The following HIPK2 variants were observed in gnomAD, a reference collection of about 807,000 sequenced individuals.
HIPK2 encodes the protein homeodomain interacting protein kinase 2.
Under a neutral mutation model 113.7 loss-of-function variants are expected in HIPK2, and 27 were observed. That is an observed-to-expected ratio of 0.24 (90% CI 0.17 to 0.33). The LOEUF is 0.33. Ranked by LOEUF, HIPK2 falls within the 10% of genes least tolerant of loss-of-function variation. The pLI, the probability that HIPK2 is intolerant of heterozygous loss-of-function variation, is 1.00. For synonymous variants in HIPK2, 631 were observed against 642.2 expected (o/e 0.98, Z 0.26); for missense variants, 1,257 against 1,588.0 (o/e 0.79, Z 3.54).
chr7:139,626,418 A>T (rs1291865712), intron 6 of HIPK2, among the ~76,000 whole-genome samples, 183 bp downstream of exon 6: 1 of 152,068 alleles, frequency 6.6e-6, no homozygotes, highest in African/African-American at 2.4e-5. Context: ...CACTTTCATA[A>T]ATGTTTCATT....
At chr7:139,673,242 A>C (rs1585361628) in intron 2 of HIPK2, among the ~76,000 whole-genome samples, 1 of 152,300 alleles carries the variant, frequency 6.6e-6, no homozygotes, top group East Asian at 1.9e-4. Context: ...TGCAGAAGAC[A>C]GAAAGATGAT....
intron 2 of HIPK2, among the ~76,000 whole-genome samples, chr7:139,699,391 A>G (rs912822277): frequency 9.2e-5 from 14 of 152,266 alleles, no homozygotes; most frequent in African/African-American, 3.4e-4. Flanking sequence ...GCTAGATGGA[A>G]AGGAGGATAA....
chr7:139,588,344 A>C (rs1040798964), intron 12 of HIPK2, among the ~76,000 whole-genome samples: 13 of 151,300 alleles, frequency 8.6e-5, no homozygotes, highest in African/African-American at 2.7e-4. Flanking sequence ...CCTGCTGAAA[A>C]AAAAAAACAA....
At chr7:139,743,410 C>A (rs1020370777) in intron 1 of HIPK2, among the ~76,000 whole-genome samples, 2 of 152,234 alleles carry the variant, frequency 1.3e-5, no homozygotes, top group Non-Finnish European at 2.9e-5. Flanking sequence ...ATACAACTTA[C>A]AACTGCCAGA....
intron 2 of HIPK2, among the ~76,000 whole-genome samples, chr7:139,640,004 A>T (rs1400644359): frequency 6.6e-6 from 1 of 152,058 alleles, no homozygotes; most frequent in Admixed American, 6.6e-5. Context: ...ACTGTGAGTG[A>T]GCATTTCCAG....
At chr7:139,656,471 T>A (rs760469049) in intron 2 of HIPK2, among the ~76,000 whole-genome samples, 7 of 152,250 alleles carry the variant, frequency 4.6e-5, no homozygotes, top group Non-Finnish European at 1.0e-4. Context: ...TTCTTTATTC[T>A]CAATGCCACT....
chr7:139,573,247 C>T lies in HIPK2; in HGVS notation c.3277G>A (p.Ala1093Thr), dbSNP rs754614157. Residue 1093 changes from alanine (A) to threonine (T), a missense_variant, in exon 15 of 15, where the codon GCT becomes ACT. By Grantham distance (58) the Ala-to-Thr change is moderately conservative. Around this residue, in one of 5 missense-constraint regions of HIPK2, gnomAD observed 862 missense variants for 1,004.3 expected, o/e 0.86. Coordinates refer to ENST00000406875, the MANE Select transcript of HIPK2 (RefSeq NM_022740.5). ...TGGGGCTGGGTGGGGAGGTGGGCAG[C>T]GGCAGCGGCTGCAGCCAGATGCGGG... The part of the protein sequence containing the change: ...VHPHLAAAAA[A>T]AHLPTQPHLY... 3 of 1,603,750 alleles carry T rather than the reference C, an allele frequency of 1.9e-6. No individual in the cohort carries two copies. The highest frequency in any genetic ancestry group is 1.7e-5 in the Admixed American group (1 of 59,958).
chr7:139,578,538 C>T (rs1231343875), intron 13 of HIPK2, among the ~76,000 whole-genome samples: 2 of 152,240 alleles, frequency 1.3e-5, no homozygotes, highest in African/African-American at 4.8e-5. Context: ...AATGAGTAAC[C>T]TCCTTTCCGC....
chr7:139,665,063 G>C (rs1251361939), intron 2 of HIPK2, among the ~76,000 whole-genome samples: 1 of 149,434 alleles, frequency 6.7e-6, no homozygotes, highest in Non-Finnish European at 1.5e-5. Flanking sequence ...TTTTAGACAG[G>C]GTCTTGCTCT....
intron 7 of HIPK2, among the ~76,000 whole-genome samples, chr7:139,617,736 G>C (rs1221807098): frequency 6.6e-6 from 1 of 152,198 alleles, no homozygotes; most frequent in Non-Finnish European, 1.5e-5. Context: ...GATCATTTGG[G>C]AAATGGTTCT....
chr7:139,617,262 T>C (rs1800087717), intron 7 of HIPK2, among the ~76,000 whole-genome samples: 1 of 152,212 alleles, frequency 6.6e-6, no homozygotes, highest in East Asian at 1.9e-4. Context: ...GACTGGGGTC[T>C]TGCTATGTTG....
chr7:139,691,530 C>T (rs777375977), intron 2 of HIPK2, among the ~76,000 whole-genome samples: 3 of 152,264 alleles, frequency 2.0e-5, no homozygotes, highest in Non-Finnish European at 1.5e-5. Context: ...TGACCTGGCA[C>T]TGCTGCATGG....
At position 139,575,131 on chromosome 7, in the gene HIPK2, G is replaced by T; in HGVS notation, c.3123C>A (p.Ser1041Arg). The change falls in exon 14 of 15, where the codon AGC (serine) becomes AGA (arginine). Residue 1041 changes from serine (S) to arginine (R), a missense_variant. Around this residue, in one of 5 missense-constraint regions of HIPK2, gnomAD observed 862 missense variants for 1,004.3 expected, o/e 0.86. Coordinates refer to ENST00000406875, the MANE Select transcript of HIPK2 (RefSeq NM_022740.5). Reference protein sequence around the residue: ...HFQQQQPLNLSQAQQHITTDR... With the variant: ...HFQQQQPLNLRQAQQHITTDR... ...GGGCGCCAGCTGTGGGGCTTACCTG[G>T]CTGAGATTGAGTGGCTGCTGCTGCT... 1.3e-6 allele frequency: 2 copies of T among 1,592,872 alleles called. No individual in the cohort carries two copies. Among genetic ancestry groups the T allele is most frequent in the Non-Finnish European group, 8.5e-7 (1 of 1,170,242 alleles).
chr7:139,592,133 A>AT (rs1447830186), intron 12 of HIPK2, among the ~76,000 whole-genome samples: 5 of 152,262 alleles, frequency 3.3e-5, no homozygotes. Flanking sequence ...TTCGGGTCAA[A>AT]TTTTTTTTAT....
rs1477739777 is a variant in HIPK2, at chr7:139,743,133, C to T, written c.20-26118G>A. On this transcript the variant is annotated intron_variant, in intron 1 of 14. Coordinates refer to ENST00000406875, the MANE Select transcript of HIPK2 (RefSeq NM_022740.5). ...CCCCAGCCAAAGAAAACCTAAGAGGCTTTGTTGGGGAGGAACAGGGGACCC... is the reference window on the plus strand; with the variant it reads ...CCCCAGCCAAAGAAAACCTAAGAGGTTTTGTTGGGGAGGAACAGGGGACCC... Among the ~76,000 whole-genome samples, 11 of 152,224 alleles carry T rather than the reference C, an allele frequency of 7.2e-5. No individual in the cohort carries two copies. In the East Asian group the frequency reaches 2.1e-3, roughly 29 times the overall value.
intron 2 of HIPK2, among the ~76,000 whole-genome samples, chr7:139,713,837 T>C (rs1320824516): frequency 1.3e-5 from 2 of 152,224 alleles, no homozygotes; most frequent in East Asian, 3.8e-4. Flanking sequence ...CCAATGGGGC[T>C]GGTACCCGGG....
intron 2 of HIPK2, among the ~76,000 whole-genome samples, chr7:139,641,798 T>A (rs1183409775): frequency 6.6e-6 from 1 of 152,208 alleles, no homozygotes; most frequent in Non-Finnish European, 1.5e-5. Flanking sequence ...ATTTACATAG[T>A]TCACTGACAA....
At chr7:139,600,762 G>C (rs1585259443) in intron 10 of HIPK2, 166 bp from the exon 11 acceptor site, 2 of 266,196 alleles carry the variant, frequency 7.5e-6, no homozygotes, top group African/African-American at 4.6e-5. Context: ...CAACGGGTGG[G>C]TTTCTTCTAC....
intron 1 of HIPK2, among the ~76,000 whole-genome samples, chr7:139,748,783 G>C (rs189572062): frequency 6.6e-6 from 1 of 152,020 alleles, no homozygotes; most frequent in African/African-American, 2.4e-5. Flanking sequence ...TGGGGAGGGG[G>C]ACACAAAATT....
Sources: allele counts gnomAD v4.1 joint callset (sites outside exome capture counted in the v4.1 genomes callset), GRCh38; gene constraint gnomAD v4.1.1; regional missense constraint gnomAD v4.1.1; transcripts MANE v1.5; gene names NCBI Gene and HGNC (gene_info 2026-07-23, HGNC 2026-07-21).